The following ESYT2 variants were observed in gnomAD, a reference collection of about 807,000 sequenced individuals.
ESYT2 encodes the protein extended synaptotagmin-2.
ESYT2 carries 54 observed loss-of-function variants against 107.2 expected under a neutral mutation model. The observed-to-expected ratio is 0.50, with a 90% CI of 0.40 to 0.63. The LOEUF is 0.63. ESYT2 is among the 30% of genes least tolerant of loss of function. ESYT2 has a pLI of 0.00. For missense variants in ESYT2, 1,020 were observed against 1,094.5 expected (o/e 0.93, Z 0.96); for synonymous variants, 491 against 434.1 (o/e 1.13, Z -1.63).
chr7:158,781,554 A>G (rs1416409009), intron 6 of ESYT2, among the ~76,000 whole-genome samples: 1 of 150,140 alleles, frequency 6.7e-6, no homozygotes, highest in Non-Finnish European at 1.5e-5. Context: ...AGAACAAGTG[A>G]GTGAACGACT....
At chr7:158,799,274 C>A (rs1839562499) in intron 1 of ESYT2, among the ~76,000 whole-genome samples, 1 of 152,198 alleles carries the variant, frequency 6.6e-6, no homozygotes, top group Admixed American at 6.5e-5. Flanking sequence ...GTTCTGAGAA[C>A]ACAATGAGCA....
At chr7:158,827,996 A>G (rs1840505978) in intron 1 of ESYT2, among the ~76,000 whole-genome samples, 1 of 152,238 alleles carries the variant, frequency 6.6e-6, no homozygotes, top group African/African-American at 2.4e-5. Context: ...GGTTAAAAAT[A>G]AAATAATACC....
intron 1 of ESYT2, among the ~76,000 whole-genome samples, chr7:158,810,266 A>G (rs1196645747): frequency 2.6e-5 from 4 of 152,264 alleles, no homozygotes; most frequent in Non-Finnish European, 4.4e-5. Flanking sequence ...CTACAAGTCA[A>G]AACAGCTCAA....
At chr7:158,781,675 G>A (rs916359008) in intron 6 of ESYT2, among the ~76,000 whole-genome samples, 2 of 151,836 alleles carry the variant, frequency 1.3e-5, no homozygotes, top group African/African-American at 4.8e-5. Flanking sequence ...AAGTGTGAGT[G>A]AACGACTGAG....
chr7:158,817,253 A>T (rs1272600709), intron 1 of ESYT2, among the ~76,000 whole-genome samples: 2 of 152,226 alleles, frequency 1.3e-5, no homozygotes, highest in East Asian at 3.8e-4. Context: ...AAGAACTGAC[A>T]GACTCTTTAA....
intron 17 of ESYT2, 123 bp downstream of exon 17, chr7:158,743,406 C>A (rs781668507): frequency 9.4e-6 from 12 of 1,281,272 alleles, no homozygotes; most frequent in African/African-American, 1.6e-5. Context: ...CGCCCTCCTG[C>A]GGCCCAGAGC....
intron 1 of ESYT2, among the ~76,000 whole-genome samples, chr7:158,814,288 T>A (rs865863750): frequency 0.063 from 182 of 2,884 alleles, 6 homozygotes; most frequent in Middle Eastern, 0.2. Flanking sequence ...AAAAAAAAAT[T>A]ATATATATAT....
At chr7:158,806,283 C>T (rs1839832420) in intron 1 of ESYT2, among the ~76,000 whole-genome samples, 1 of 152,186 alleles carries the variant, frequency 6.6e-6, no homozygotes, top group Admixed American at 6.5e-5. Flanking sequence ...AAAACAGAGT[C>T]AAAGAAAAAC....
chr7:158,782,394 G>A (rs373487366), intron 6 of ESYT2, among the ~76,000 whole-genome samples: 100 of 124,102 alleles, frequency 8.1e-4, no homozygotes, highest in African/African-American at 2.9e-3. Flanking sequence ...AGGTAAGAAC[G>A]AGAACAAGTG....
intron 19 of ESYT2, 132 bp from the exon 20 acceptor site, chr7:158,737,311 G>T: frequency 8.3e-7 from 1 of 1,209,334 alleles, no homozygotes; most frequent in Non-Finnish European, 1.1e-6. Context: ...GGAACAGAAT[G>T]CGTGAGGCGC....
chr7:158,768,930 T>C (rs932833995), intron 7 of ESYT2, among the ~76,000 whole-genome samples: 2 of 152,194 alleles, frequency 1.3e-5, no homozygotes, highest in Non-Finnish European at 1.5e-5. Flanking sequence ...AATTAAATAA[T>C]GCATATGTGG....
At chr7:158,806,132 G>GCGCTGGCGCACAA (rs71200064) in intron 1 of ESYT2, among the ~76,000 whole-genome samples, 100,571 of 147,560 alleles carry the variant, frequency 0.68, 35,595 homozygotes, top group Non-Finnish European at 0.77. Context: ...CGCGTGGGAG[G>GCGCTGGCGCACAA]TGCCGGGGCA....
intron 1 of ESYT2, among the ~76,000 whole-genome samples, chr7:158,821,185 T>A (rs1840275981): frequency 1.3e-5 from 2 of 152,196 alleles, no homozygotes; most frequent in Non-Finnish European, 2.9e-5. Context: ...AAAACATGCT[T>A]TATGGAAAAA....
At chr7:158,804,300 C>T (rs113321983) in intron 1 of ESYT2, among the ~76,000 whole-genome samples, 19 of 82,324 alleles carry the variant, frequency 2.3e-4, no homozygotes, top group South Asian at 4.6e-4. Context: ...CCCAAACCGT[C>T]GAGAAGGGTG....
At position 158,761,491 on chromosome 7, in the gene ESYT2, C is replaced by A; in HGVS notation, c.1233+5G>T. On this transcript the variant is annotated splice_donor_5th_base_variant and intron_variant, in intron 11 of 22. Transcript: ENST00000275418. Reference sequence around the variant, plus strand: ...TAAACAGACCCACACTCCAGGGAAACTTACTTCATCTAAAAGGCGCTCCTT... The same window carrying A: ...TAAACAGACCCACACTCCAGGGAAAATTACTTCATCTAAAAGGCGCTCCTT... 6.2e-7 allele frequency: 1 copy of A among 1,614,010 alleles called. No homozygotes were observed. The highest frequency in any genetic ancestry group is 1.7e-4 in the Middle Eastern group (1 of 6,060).
chr7:158,769,313 C>G (rs1006952761), intron 7 of ESYT2, among the ~76,000 whole-genome samples: 8 of 152,344 alleles, frequency 5.3e-5, no homozygotes, highest in African/African-American at 1.9e-4. Flanking sequence ...CTTCAGCCAG[C>G]AGACACTGGC....
chr7:158,733,338 T>C lies in ESYT2; in HGVS notation c.*869A>G, dbSNP rs564510510. ...GAAAATTAACAAAGCTCATGACTGA[T>C]TGTTTGACAACAGCTTAATTGCTAA... On this transcript the variant is annotated 3_prime_UTR_variant, in exon 23 of 23. Coordinates refer to ENST00000275418, the MANE Select transcript of ESYT2 (RefSeq NM_001367773.1). 6.6e-5 allele frequency: 10 copies of C among 152,364 alleles called. No homozygotes were observed. In the East Asian group the frequency reaches 1.3e-3, roughly 21 times the overall value. 9.4% of individuals were successfully genotyped at this position (152,364 alleles called of 1,614,324 possible). A position where few individuals can be genotyped will look rare whatever the true frequency, so the allele number is the denominator to read the frequency against.
rs1244072484 is a variant in ESYT2 at position 158,732,263 on chromosome 7, T to TA, written c.*1943dup. 1 of 152,172 alleles carries TA rather than the reference T, an allele frequency of 6.6e-6. No individual in the cohort carries two copies. Among genetic ancestry groups the TA allele is most frequent in the Non-Finnish European group, 1.5e-5 (1 of 68,038 alleles). 9.4% of individuals were successfully genotyped at this position (152,172 alleles called of 1,614,324 possible). Reference sequence around the variant, plus strand: ...GAAGACTTTCAACAGACCTGATTTTTAAAAAACCCTCAACAAATCTAATAC... The same window carrying TA: ...GAAGACTTTCAACAGACCTGATTTTTAAAAAAACCCTCAACAAATCTAATAC... On this transcript the variant is annotated 3_prime_UTR_variant, in exon 23 of 23. Transcript: ENST00000275418.
intron 1 of ESYT2, among the ~76,000 whole-genome samples, chr7:158,806,566 T>C (rs1839838716): frequency 6.6e-6 from 1 of 152,176 alleles, no homozygotes; most frequent in Non-Finnish European, 1.5e-5. Flanking sequence ...GGGTATCCCT[T>C]CATGGAAACA....
Sources: gnomAD v4.1 joint callset for allele counts (sites outside exome capture counted in the v4.1 genomes callset) on GRCh38, gnomAD v4.1.1 for gene constraint, MANE v1.5 for transcripts, NCBI Gene and HGNC (gene_info 2026-07-23, HGNC 2026-07-21) for gene names.